GLCE: variants seen among roughly 807,000 people sequenced by gnomAD.
GLCE encodes D-glucuronyl C5-epimerase.
Under a neutral mutation model 47.9 loss-of-function variants are expected in GLCE, and 19 were observed. The ratio of observed to expected loss-of-function variants is 0.40; its 90% confidence interval spans 0.28 to 0.58. The LOEUF (loss-of-function observed/expected upper bound fraction) is 0.58. Ranked by LOEUF, GLCE falls within the 20% of genes least tolerant of loss-of-function variation. The pLI is 0.48. For synonymous variants in GLCE, 245 were observed against 263.4 expected (o/e 0.93, Z 0.68); for missense variants, 556 against 743.3 (o/e 0.75, Z 2.93).
Position 69,256,345 on chromosome 15 carries a change from A to G in GLCE, c.539A>G (p.Tyr180Cys), listed in dbSNP as rs1416076293. The change falls in exon 3 of 5, where the codon TAC becomes TGC. Residue 180 changes from tyrosine to cysteine, a missense_variant. Physicochemically the swap from Tyr to Cys is radical, Grantham distance 194. Around this residue, in one of 3 missense-constraint regions of GLCE, gnomAD observed 237 missense variants for 310.9 expected, o/e 0.76. Coordinates refer to ENST00000261858, the MANE Select transcript of GLCE (RefSeq NM_015554.3). ...PDGVFMSFEGYNVEVRDRVKC... is the reference protein window; with the variant it reads ...PDGVFMSFEGCNVEVRDRVKC... ...GGTGTGTTTATGTCTTTTGAAGGCT[A>G]CAATGTGGAAGTCCGAGACAGAGTC... The G allele has an allele frequency of 1.9e-6, 3 of 1,613,740 alleles. No homozygotes were observed. The Admixed American group carries it at 5.0e-5, about 27-fold the overall frequency.
At chr15:69,187,792 G>T (rs1431422501) in intron 1 of GLCE, among the ~76,000 whole-genome samples, 1 of 152,142 alleles carries the variant, frequency 6.6e-6, no homozygotes, top group Non-Finnish European at 1.5e-5. Context: ...GCCGGCCATG[G>T]TGGCTCACCT....
chr15:69,262,353 G>A (rs888888048), intron 4 of GLCE, among the ~76,000 whole-genome samples: 1 of 152,156 alleles, frequency 6.6e-6, no homozygotes, highest in African/African-American at 2.4e-5. Context: ...TAAACAACAG[G>A]TTTGGCTGAG....
chr15:69,163,865 G>A (rs916903781), intron 1 of GLCE, among the ~76,000 whole-genome samples: 7 of 152,206 alleles, frequency 4.6e-5, no homozygotes, highest in South Asian at 2.1e-4. Flanking sequence ...AGTTGTACCC[G>A]TGTATACTAA....
At chr15:69,207,439 T>C (rs2052168048) in intron 1 of GLCE, among the ~76,000 whole-genome samples, 1 of 152,118 alleles carries the variant, frequency 6.6e-6, no homozygotes, top group South Asian at 2.1e-4. Context: ...ACTCCTCTCC[T>C]GACAACCAAA....
Position 69,244,293 on chromosome 15 carries a change from T to G in GLCE, c.-13-11501T>G, listed in dbSNP as rs376003270. Among the ~76,000 whole-genome samples the G allele has an allele frequency of 3.3e-5, 5 of 152,288 alleles. No individual in the cohort carries two copies. In the South Asian group the frequency reaches 1.0e-3, roughly 32 times the overall value. On this transcript the variant is annotated intron_variant, in intron 2 of 4. Transcript: ENST00000261858. ...CTCTCATTTCTGTCCCTTTCTAATATTAATATGGCATTTAATTATACTGTT... is the reference window on the plus strand; with the variant it reads ...CTCTCATTTCTGTCCCTTTCTAATAGTAATATGGCATTTAATTATACTGTT...
chr15:69,204,577 G>T (rs2052124169), intron 1 of GLCE, among the ~76,000 whole-genome samples: 1 of 151,990 alleles, frequency 6.6e-6, no homozygotes, highest in Non-Finnish European at 1.5e-5. Context: ...GAGCCACCTT[G>T]CCTGGCCTGT....
chr15:69,239,531 C>G (rs901538359), intron 2 of GLCE, among the ~76,000 whole-genome samples: 1 of 152,098 alleles, frequency 6.6e-6, no homozygotes, highest in East Asian at 1.9e-4. Context: ...CAGTGTGGTA[C>G]AAGCATCTGA....
intron 2 of GLCE, among the ~76,000 whole-genome samples, chr15:69,212,248 G>C (rs372177285): frequency 1.3e-5 from 2 of 151,854 alleles, no homozygotes; most frequent in Non-Finnish European, 2.9e-5. Context: ...AATGATGGAT[G>C]ATATAAGAAG....
intron 1 of GLCE, among the ~76,000 whole-genome samples, chr15:69,203,211 C>A (rs974217323): frequency 6.6e-6 from 1 of 152,016 alleles, no homozygotes; most frequent in African/African-American, 2.4e-5. Context: ...TTGAAGAGAG[C>A]TGGAAGTTTA....
chr15:69,213,953 A>G (rs2052268213), intron 2 of GLCE, among the ~76,000 whole-genome samples: 1 of 152,078 alleles, frequency 6.6e-6, no homozygotes, highest in Non-Finnish European at 1.5e-5. Flanking sequence ...TTTGTTGCTC[A>G]AATTGTTCCA....
At chr15:69,230,201 C>G (rs535866019) in intron 2 of GLCE, among the ~76,000 whole-genome samples, 1 of 128,160 alleles carries the variant, frequency 7.8e-6, no homozygotes, top group Admixed American at 8.8e-5. Flanking sequence ...GAGAGAAACT[C>G]CATCTCGATT....
rs140470842 is a variant in GLCE, at chr15:69,199,187, T to G, written c.-104-11129T>G. Among the ~76,000 whole-genome samples the G allele has an allele frequency of 3.9e-3, 596 of 152,260 alleles. 4 individuals carry two copies. Among genetic ancestry groups the G allele is most frequent in the African/African-American group, 0.014 (572 of 41,576 alleles). The stretch of plus-strand genomic sequence containing the variant: ...ATTTGCTTTTATGAAATAATGTTAA[T>G]GAAAAGTTCAAGTCATTTTGTATCT... On this transcript the variant is annotated intron_variant, in intron 1 of 4. Coordinates refer to ENST00000261858, the MANE Select transcript of GLCE (RefSeq NM_015554.3).
intron 4 of GLCE, among the ~76,000 whole-genome samples, chr15:69,266,000 C>T (rs755501844): frequency 6.6e-6 from 1 of 152,184 alleles, no homozygotes; most frequent in Non-Finnish European, 1.5e-5. Context: ...TCCCATTTTA[C>T]TATAGATGCA....
intron 2 of GLCE, among the ~76,000 whole-genome samples, chr15:69,237,057 A>T (rs1046973884): frequency 5.9e-5 from 9 of 152,172 alleles, no homozygotes; most frequent in African/African-American, 2.2e-4. Context: ...ATTGCAAAAG[A>T]TTATGCAGTG....
intron 1 of GLCE, among the ~76,000 whole-genome samples, chr15:69,170,597 A>C (rs1245899798): frequency 6.6e-6 from 1 of 152,238 alleles, no homozygotes; most frequent in East Asian, 1.9e-4. Context: ...GTGTGTATAT[A>C]TGCCAAAACA....
chr15:69,219,482 A>G lies in GLCE; in HGVS notation c.-14+9076A>G, dbSNP rs545930341. On this transcript the variant is annotated intron_variant, in intron 2 of 4. Coordinates refer to ENST00000261858, the MANE Select transcript of GLCE (RefSeq NM_015554.3). The stretch of plus-strand genomic sequence containing the variant: ...GTATCTGAGTCTGTGTATTTATTTC[A>G]GTGTTATAAGTAGAACAACAAAGTT... Among the ~76,000 whole-genome samples the G allele has an allele frequency of 1.8e-3, 274 of 152,278 alleles. No homozygotes were observed. The Middle Eastern group carries it at 0.02, about 11-fold the overall frequency.
intron 1 of GLCE, among the ~76,000 whole-genome samples, chr15:69,164,125 C>CTTTTTTTTTTTTTTTTTTTTTTTTTT (rs1312041167): frequency 3.3e-5 from 5 of 151,870 alleles, no homozygotes; most frequent in Non-Finnish European, 7.4e-5. Context: ...AATAGGTATT[C>CTTTTTTTTTTTTTTTTTTTTTTTTTT]TTATTGTGGT....
chr15:69,168,122 T>G (rs2051532420), intron 1 of GLCE, among the ~76,000 whole-genome samples: 1 of 152,134 alleles, frequency 6.6e-6, no homozygotes, highest in Non-Finnish European at 1.5e-5. Flanking sequence ...TTTTATTGTC[T>G]TTCTACTCCT....
chr15:69,248,232 T>C (rs748926782), intron 2 of GLCE, among the ~76,000 whole-genome samples: 2 of 152,244 alleles, frequency 1.3e-5, no homozygotes, highest in Non-Finnish European at 2.9e-5. Flanking sequence ...CAGTTCTCCT[T>C]TGAGTTACAT....
Sources: allele counts gnomAD v4.1 joint callset (sites outside exome capture counted in the v4.1 genomes callset), GRCh38; gene constraint gnomAD v4.1.1; regional missense constraint gnomAD v4.1.1; transcripts MANE v1.5; gene names NCBI Gene and HGNC (gene_info 2026-07-23, HGNC 2026-07-21).